Variants in MYH14 observed in about 807,000 individuals in gnomAD.
MYH14 encodes the protein myosin-14.
In MYH14, 123 loss-of-function variants were observed where a neutral mutation model predicts 255.5. The observed-to-expected ratio is 0.48, with a 90% CI of 0.42 to 0.56. The LOEUF (loss-of-function observed/expected upper bound fraction) is 0.56, where lower values mean the gene tolerates loss of function less well. Ranked by LOEUF, MYH14 falls within the 20% of genes least tolerant of loss-of-function variation. The pLI is 0.00. For missense variants in MYH14, 2,423 were observed against 2,802.3 expected (o/e 0.86, Z 3.06); for synonymous variants, 1,095 against 1,161.2 (o/e 0.94, Z 1.16).
intron 40 of MYH14, among the ~76,000 whole-genome samples, chr19:50,306,114 A>G (rs1004833839): frequency 1.3e-5 from 2 of 152,036 alleles, no homozygotes; most frequent in African/African-American, 4.8e-5. Flanking sequence ...CCCTGTCTCT[A>G]CTAAAAATAC....
chr19:50,239,801 A>G (rs925227789), intron 10 of MYH14, among the ~76,000 whole-genome samples: 7 of 151,396 alleles, frequency 4.6e-5, no homozygotes, highest in Non-Finnish European at 8.8e-5. Context: ...TGCCCGCCTC[A>G]GCCTCCCAAA....
chr19:50,291,336 C>T (rs1269238632), intron 36 of MYH14, among the ~76,000 whole-genome samples: 1 of 148,718 alleles, frequency 6.7e-6, no homozygotes, highest in Non-Finnish European at 1.5e-5. Context: ...CAGTCTCATT[C>T]TGTCACCCAG....
rs150029590 is a variant in MYH14 at position 50,286,645 on chromosome 19, G to A, written c.4703G>A (p.Arg1568Gln). The change falls in exon 34 of 43, where the codon CGG (arginine) becomes CAG (glutamine). Residue 1568 changes from arginine (R) to glutamine (Q), a missense_variant. Coordinates refer to ENST00000642316, the MANE Select transcript of MYH14 (RefSeq NM_001145809.2). Reference protein sequence around the residue: ...EELERQNRALRAELEALLSSK... With the variant: ...EELERQNRALQAELEALLSSK... ...CTGGAGCGGCAGAACCGGGCCCTGC[G>A]GGCTGAGCTGGAGGCACTGCTGAGC... The A allele has an allele frequency of 1.3e-5, 21 of 1,588,928 alleles. No individual in the cohort carries two copies. The highest frequency in any genetic ancestry group is 4.6e-5 in the East Asian group (2 of 43,826).
At chr19:50,239,374 A>C (rs1357833874) in intron 10 of MYH14, among the ~76,000 whole-genome samples, 1 of 151,346 alleles carries the variant, frequency 6.6e-6, no homozygotes, top group African/African-American at 2.4e-5. Context: ...TCAGTCTGAA[A>C]CTCTTCCTGA....
intron 10 of MYH14, among the ~76,000 whole-genome samples, chr19:50,235,848 C>G (rs1294554042): frequency 6.6e-6 from 1 of 151,956 alleles, no homozygotes; most frequent in African/African-American, 2.4e-5. Context: ...TGCTCTGGAC[C>G]CCCTCTCCAC....
chr19:50,226,914 C>A lies in MYH14; in HGVS notation c.822C>A (p.Ile274=). Residue 274 remains isoleucine (I), a synonymous_variant, in exon 8 of 43, where the codon ATC becomes ATA. Transcript: ENST00000642316. ...TTGGTCTCTCCCAGGGCAAATTCAT[C>A]CGCATCAACTTTGATGTTGCCGGGT... ...NDNSSRFGKF[I]RINFDVAGYI... is the part of the protein sequence containing the mutation. 5.0e-6 allele frequency: 8 copies of A among 1,613,824 alleles called. No individual in the cohort carries two copies. Among genetic ancestry groups the A allele is most frequent in the Non-Finnish European group, 6.8e-6 (8 of 1,179,796 alleles).
Position 50,293,461 on chromosome 19 carries a change from T to C in MYH14, c.5346-103T>C, listed in dbSNP as rs2036157086. On this transcript the variant is annotated intron_variant, in intron 38 of 42. Transcript: ENST00000642316. The surrounding 1 kb of genome is among the most constrained non-coding windows in gnomAD (Gnocchi z 4.1). Reference sequence around the variant, plus strand: ...CCTCGGGGCCCCTGGGGTGTGAGGCTGGGGAGATGCGTGGGGCTAACCACA... The same window carrying C: ...CCTCGGGGCCCCTGGGGTGTGAGGCCGGGGAGATGCGTGGGGCTAACCACA... 6.4e-6 allele frequency: 10 copies of C among 1,551,030 alleles called. No individual in the cohort carries two copies. In the South Asian group the frequency reaches 1.2e-4, roughly 18 times the overall value.
Position 50,230,286 on chromosome 19 carries a change from T to C in MYH14, c.875-239T>C, listed in dbSNP as rs568743562. ...GAGAGAGAGAGAGAGGAAGGTCTCC[T>C]AAAGGTGTTATTTTCAAGCCCCTTG... On this transcript the variant is annotated intron_variant, in intron 8 of 42. Coordinates refer to ENST00000642316, the MANE Select transcript of MYH14 (RefSeq NM_001145809.2). The surrounding 1 kb of genome is among the most constrained non-coding windows in gnomAD (Gnocchi z 4.7). Among the ~76,000 whole-genome samples, 1 of 152,166 alleles carries C rather than the reference T, an allele frequency of 6.6e-6. No individual in the cohort carries two copies. Among genetic ancestry groups the C allele is most frequent in the East Asian group, 1.9e-4 (1 of 5,160 alleles).
rs893719642 is a variant in MYH14 at position 50,286,205 on chromosome 19, A to G, written c.4540-277A>G. 4.5e-5 allele frequency: 14 copies of G among 309,422 alleles called. No individual in the cohort carries two copies. In the South Asian group the frequency reaches 1.0e-3, roughly 23 times the overall value. 19.2% of individuals were successfully genotyped at this position (309,422 alleles called of 1,614,324 possible). A position where few individuals can be genotyped will look rare whatever the true frequency, so the allele number is the denominator to read the frequency against. ...TTGAAGTACATTTAAAAATATATATATGTGTATTTTTTCTACTGCCACTCT... is the reference window on the plus strand; with the variant it reads ...TTGAAGTACATTTAAAAATATATATGTGTGTATTTTTTCTACTGCCACTCT... On this transcript the variant is annotated intron_variant, in intron 33 of 42. Transcript: ENST00000642316.
intron 35 of MYH14, among the ~76,000 whole-genome samples, chr19:50,290,437 C>T (rs991535735): frequency 6.6e-6 from 1 of 152,228 alleles, no homozygotes; most frequent in Non-Finnish European, 1.5e-5. Context: ...AAAGACCCCG[C>T]TGGAGCCATG....
In MYH14 at chr19:50,266,441, C is replaced by T. The variant is rs1292646039; in HGVS notation, c.2695-436C>T. Reference sequence around the variant, plus strand: ...GGACGTGGTGGCATACGCCTGTAATCCCAGCTACTCGGGAGGCTGAGGCAG... The same window carrying T: ...GGACGTGGTGGCATACGCCTGTAATTCCAGCTACTCGGGAGGCTGAGGCAG... On this transcript the variant is annotated intron_variant, in intron 22 of 42. Transcript: ENST00000642316. This position sits in a 1 kb window ranked among gnomAD's most constrained non-coding sequence, Gnocchi z 4.1. Among the ~76,000 whole-genome samples, 1 of 152,162 alleles carries T rather than the reference C, an allele frequency of 6.6e-6. No individual in the cohort carries two copies. The highest frequency in any genetic ancestry group is 1.5e-5 in the Non-Finnish European group (1 of 68,032).
intron 40 of MYH14, among the ~76,000 whole-genome samples, chr19:50,304,435 C>A (rs1260477259): frequency 6.6e-6 from 1 of 152,068 alleles, no homozygotes; most frequent in African/African-American, 2.4e-5. Context: ...ACCAAAAATA[C>A]AAAAATTAGC....
intron 8 of MYH14, among the ~76,000 whole-genome samples, chr19:50,229,287 G>A (rs1050940246): frequency 1.3e-5 from 2 of 152,150 alleles, no homozygotes; most frequent in Non-Finnish European, 2.9e-5. Flanking sequence ...GTGCATGAGT[G>A]TGGTGGTGCA....
At position 50,276,627 on chromosome 19, in the gene MYH14, C is replaced by A; in HGVS notation, c.3681-130C>A. The A allele has an allele frequency of 8.5e-7, 1 of 1,180,900 alleles. No individual in the cohort carries two copies. Among genetic ancestry groups the A allele is most frequent in the Non-Finnish European group, 1.2e-6 (1 of 816,274 alleles). 73.2% of individuals were successfully genotyped at this position (1,180,900 alleles called of 1,614,324 possible). A position where few individuals can be genotyped will look rare whatever the true frequency, so the allele number is the denominator to read the frequency against. On this transcript the variant is annotated intron_variant, in intron 28 of 42. Coordinates refer to ENST00000642316, the MANE Select transcript of MYH14 (RefSeq NM_001145809.2). This position sits in a 1 kb window ranked among gnomAD's most constrained non-coding sequence, Gnocchi z 4.3. ...CCTTCCACAGCATCACCACCCAGAT[C>A]TCCTGAGGAGCATAACATGAGGCCC...
intron 10 of MYH14, among the ~76,000 whole-genome samples, chr19:50,232,304 G>C (rs1157074720): frequency 6.6e-6 from 1 of 152,230 alleles, no homozygotes; most frequent in Non-Finnish European, 1.5e-5. Context: ...AGTAGACTAT[G>C]AGTGCAGCTG....
intron 39 of MYH14, among the ~76,000 whole-genome samples, chr19:50,294,124 G>A (rs78439016): frequency 1.7e-3 from 262 of 152,200 alleles, no homozygotes; most frequent in East Asian, 8.9e-3. Context: ...ATCCTATTCC[G>A]GGTTATGCTG....
intron 6 of MYH14, 42 bp downstream of exon 6, chr19:50,224,219 G>A (rs772190229): frequency 1.1e-5 from 18 of 1,613,700 alleles, no homozygotes; most frequent in Non-Finnish European, 1.4e-5. Context: ...TGCCCCTAAT[G>A]CCTTCCCGGC....
At chr19:50,216,700 T>G (rs1001816048) in intron 2 of MYH14, among the ~76,000 whole-genome samples, 1 of 152,036 alleles carries the variant, frequency 6.6e-6, no homozygotes, top group Non-Finnish European at 1.5e-5. Context: ...TCCTGTTGCA[T>G]TTCGGTTATT....
At position 50,292,195 on chromosome 19, in the gene MYH14, G is replaced by T; in HGVS notation, c.5128-66G>T. On this transcript the variant is annotated intron_variant, in intron 36 of 42. Transcript: ENST00000642316. ...TGAGGAGCCCCGTCGGTCTGGCAAG[G>T]GGGTGGAGGAGTTCCCTGTGCTGTG... 3.4e-6 allele frequency: 5 copies of T among 1,477,146 alleles called. No individual in the cohort carries two copies. The Admixed American group carries it at 7.5e-5, about 22-fold the overall frequency. The allele number at this position is 1,477,146 out of a possible 1,614,324, so 91.5% of individuals were successfully genotyped here.
Sources: gnomAD v4.1 joint callset for allele counts (sites outside exome capture counted in the v4.1 genomes callset) on GRCh38, gnomAD v4.1.1 for gene constraint, Gnocchi (gnomAD v3.1) non-coding constraint, MANE v1.5 for transcripts, NCBI Gene and HGNC (gene_info 2026-07-23, HGNC 2026-07-21) for gene names.